Variants in SBK1 observed in about 807,000 individuals in gnomAD.
The protein encoded by SBK1 is SH3 domain binding kinase 1.
A neutral mutation model predicts 24.4 loss-of-function variants in SBK1; 11 were observed. The observed-to-expected ratio is 0.45, with a 90% CI of 0.28 to 0.75. The LOEUF is 0.75. SBK1 is among the 30% of genes least tolerant of loss of function. The pLI is 0.12. For synonymous variants in SBK1, 308 were observed against 284.4 expected (o/e 1.08, Z -0.83); for missense variants, 467 against 620.5 (o/e 0.75, Z 2.63).
Position 28,317,239 on chromosome 16 carries a change from AG to A in SBK1, c.-7-145del. On this transcript the variant is annotated intron_variant, in intron 1 of 3. Coordinates refer to ENST00000341901, the MANE Select transcript of SBK1 (RefSeq NM_001024401.3). This position sits in a 1 kb window ranked among gnomAD's most constrained non-coding sequence, Gnocchi z 4.2. ...GGCTTTGGGGAAGGCGACGCGACCA[AG>A]ATGCTTGTCGCCCCCTTGTGGTTAT... The A allele has an allele frequency of 1.6e-6, 1 of 640,554 alleles. No individual in the cohort carries two copies. The highest frequency in any genetic ancestry group is 2.7e-5 in the Admixed American group (1 of 36,476). The allele number at this position is 640,554 out of a possible 1,614,324, so 39.7% of individuals were successfully genotyped here. A position where few individuals can be genotyped will look rare whatever the true frequency, so the allele number is the denominator to read the frequency against.
At chr16:28,297,334 A>C (rs957686421) in intron 1 of SBK1, among the ~76,000 whole-genome samples, 7 of 152,200 alleles carry the variant, frequency 4.6e-5, no homozygotes, top group African/African-American at 7.2e-5. Flanking sequence ...CCGTCTCAAA[A>C]AAAAAGAAAC....
upstream of SBK1, among the ~76,000 whole-genome samples, chr16:28,287,803 A>G (rs765237945): frequency 4.6e-5 from 7 of 152,188 alleles, no homozygotes; most frequent in Non-Finnish European, 1.0e-4. Flanking sequence ...AGCTGAGACT[A>G]CAGGTGCGTG....
chr16:28,263,248 C>T lies in SBK1; in HGVS notation c.257+3746C>T, dbSNP rs555009467. Among the ~76,000 whole-genome samples the T allele has an allele frequency of 2.0e-5, 3 of 152,284 alleles. No individual in the cohort carries two copies. In the East Asian group the frequency reaches 5.8e-4, roughly 29 times the overall value. On this transcript the variant is annotated intron_variant, in intron 1 of 3. Transcript: ENST00000671413. ...GCACCAGAAACTGGACTGAAAATAC[C>T]ATCCCTGCTCTCATGGGGTTTATAT...
chr16:28,272,415 T>C (rs777951091), intron 1 of SBK1, among the ~76,000 whole-genome samples: 26 of 151,996 alleles, frequency 1.7e-4, no homozygotes, highest in Non-Finnish European at 2.9e-4. Context: ...TTATTGAATC[T>C]TTATGCCTAC....
Position 28,320,104 on chromosome 16 carries a change from G to T in SBK1, c.458G>T (p.Arg153Leu). 1 of 1,551,700 alleles carries T rather than the reference G, an allele frequency of 6.4e-7. No individual in the cohort carries two copies. ...QVGLPEDTVK[R>L]CVQQLGLALD... ...GGGCTCCCTGAGGACACGGTGAAGC[G>T]CTGTGTGCAGCAGCTGGGCCTGGCG... is the stretch of plus-strand genomic sequence containing the variant. Residue 153 changes from arginine to leucine, a missense_variant, in exon 4 of 4, where the codon CGC becomes CTC. Around this residue, in one of 4 missense-constraint regions of SBK1, gnomAD observed 92 missense variants for 193.8 expected, o/e 0.47. Coordinates refer to ENST00000341901, the MANE Select transcript of SBK1 (RefSeq NM_001024401.3). The surrounding 1 kb of genome is among the most constrained non-coding windows in gnomAD (Gnocchi z 8.5).
chr16:28,268,749 C>T (rs1396705550), intron 1 of SBK1, among the ~76,000 whole-genome samples: 2 of 151,522 alleles, frequency 1.3e-5, no homozygotes, highest in African/African-American at 2.4e-5. Flanking sequence ...GGTGACAGAG[C>T]GAGACTCTGT....
intron 1 of SBK1, among the ~76,000 whole-genome samples, chr16:28,275,913 C>T (rs145086236): frequency 1.4e-5 from 2 of 147,942 alleles, no homozygotes; most frequent in East Asian, 2.0e-4. Flanking sequence ...AAGGAAGGAA[C>T]GAAGGAAGGA....
At chr16:28,264,491 T>TCGAACC (rs2044416068) in intron 1 of SBK1, among the ~76,000 whole-genome samples, 1 of 151,974 alleles carries the variant, frequency 6.6e-6, no homozygotes. Flanking sequence ...GGAAAATAGC[T>TCGAACC]TGAACCCGGG....
Position 28,320,063 on chromosome 16 carries a change from CGGCCGCCCGCA to C in SBK1, c.430-10_430del. 6.8e-7 allele frequency: 1 copy of C among 1,471,106 alleles called. No individual in the cohort carries two copies. The highest frequency in any genetic ancestry group is 8.9e-7 in the Non-Finnish European group (1 of 1,117,894). 91.1% of individuals were successfully genotyped at this position (1,471,106 alleles called of 1,614,324 possible). On this transcript the variant is annotated splice_acceptor_variant and splice_polypyrimidine_tract_variant and intron_variant, in intron 3 of 3. Transcript: ENST00000341901. LOFTEE classifies it high-confidence loss of function. This position sits in a 1 kb window ranked among gnomAD's most constrained non-coding sequence, Gnocchi z 8.5. ...GAGCTGGAAACAGCGCGGCTTCCCC[CGGCCGCCCGCA>C]GGTGGGGCTCCCTGAGGACACGGTG...
At position 28,320,628 on chromosome 16, in the gene SBK1, C is replaced by T. The variant is rs974145306; in HGVS notation, c.982C>T (p.Arg328Cys). Residue 328 changes from arginine to cysteine, a missense_variant, in exon 4 of 4, where the codon CGC (arginine) becomes TGC (cysteine). Physicochemically the swap from Arg to Cys is radical, Grantham distance 180 (BLOSUM62 -3). Coordinates refer to ENST00000341901, the MANE Select transcript of SBK1 (RefSeq NM_001024401.3). This position sits in a 1 kb window ranked among gnomAD's most constrained non-coding sequence, Gnocchi z 8.5. The stretch of plus-strand genomic sequence containing the variant: ...CGAGCTGCGCCGCCGGCCCTCGCAC[C>T]GCGCGCGCAAGCCCCCCGGGGACCG... ...TSELRRRPSHRARKPPGDRPP... is the reference protein window; with the variant it reads ...TSELRRRPSHCARKPPGDRPP... 3 of 1,256,608 alleles carry T rather than the reference C, an allele frequency of 2.4e-6. No individual in the cohort carries two copies. Among genetic ancestry groups the T allele is most frequent in the Non-Finnish European group, 3.0e-6 (3 of 998,284 alleles). 77.8% of individuals were successfully genotyped at this position (1,256,608 alleles called of 1,614,324 possible).
At chr16:28,299,012 G>A (rs1390052785) in intron 1 of SBK1, among the ~76,000 whole-genome samples, 2 of 152,252 alleles carry the variant, frequency 1.3e-5, no homozygotes, top group African/African-American at 4.8e-5. Flanking sequence ...AGGCCTTGCA[G>A]AGAGGAGACT....
intron 1 of SBK1, among the ~76,000 whole-genome samples, chr16:28,293,713 C>T (rs2044618972): frequency 6.6e-6 from 1 of 151,474 alleles, no homozygotes; most frequent in Middle Eastern, 3.2e-3. Flanking sequence ...TTTGGGGGTG[C>T]CCACAGGTGA....
At chr16:28,298,281 G>A (rs142485303) in intron 1 of SBK1, among the ~76,000 whole-genome samples, 83 of 152,330 alleles carry the variant, frequency 5.4e-4, no homozygotes, top group Middle Eastern at 6.8e-3. Flanking sequence ...GGGAAACCAC[G>A]TAATGTCAGG....
rs2044818709 is a variant in SBK1 at position 28,319,004 on chromosome 16, T to C, written c.236T>C (p.Met79Thr). 6.2e-7 allele frequency: 1 copy of C among 1,613,944 alleles called. No homozygotes were observed. Among genetic ancestry groups the C allele is most frequent in the Admixed American group, 1.7e-5 (1 of 59,988 alleles). Residue 79 changes from methionine to threonine, a missense_variant, in exon 3 of 4, where the codon ATG becomes ACG. Met to Thr is a moderately conservative substitution (Grantham distance 81). This residue lies in a region of SBK1 where 123 missense variants were observed against 158.2 expected (regional missense o/e 0.78). Coordinates refer to ENST00000341901, the MANE Select transcript of SBK1 (RefSeq NM_001024401.3). The surrounding 1 kb of genome is among the most constrained non-coding windows in gnomAD (Gnocchi z 4.0). ...CTGTTGCTCCCATCAGGCACAAAAATGGCACTGAAGTTTGTGAACAAGAGC... is the reference window on the plus strand; with the variant it reads ...CTGTTGCTCCCATCAGGCACAAAAACGGCACTGAAGTTTGTGAACAAGAGC... Reference protein sequence around the residue: ...LVVYKGTGTKMALKFVNKSKT... With the variant: ...LVVYKGTGTKTALKFVNKSKT...
In SBK1 at chr16:28,292,899, C is replaced by A; in HGVS notation, c.-409C>A. The A allele has an allele frequency of 1.0e-6, 1 of 979,750 alleles. No homozygotes were observed. Among genetic ancestry groups the A allele is most frequent in the Non-Finnish European group, 1.2e-6 (1 of 824,840 alleles). 60.7% of individuals were successfully genotyped at this position (979,750 alleles called of 1,614,324 possible). ...GCCCCCTACGGCACCGCAAGGACTC[C>A]CCCTCCTCAGTCTGGGCCCCCGCCC... On this transcript the variant is annotated 5_prime_UTR_variant, in exon 1 of 4. Transcript: ENST00000341901.
intron 1 of SBK1, among the ~76,000 whole-genome samples, chr16:28,280,141 A>ATGTGTGTGTGTGTG (rs1407793111): frequency 1.7e-5 from 1 of 58,240 alleles, no homozygotes; most frequent in African/African-American, 4.6e-5. Context: ...ATATATATAT[A>ATGTGTGTGTGTGTG]TATATATATG....
chr16:28,304,211 G>A (rs949300357), intron 1 of SBK1, among the ~76,000 whole-genome samples: 5 of 152,178 alleles, frequency 3.3e-5, no homozygotes, highest in African/African-American at 1.2e-4. Flanking sequence ...ATCCATATAT[G>A]CCTTTCCAGC....
chr16:28,301,477 C>G (rs1414276122), intron 1 of SBK1, among the ~76,000 whole-genome samples: 1 of 152,194 alleles, frequency 6.6e-6, no homozygotes, highest in East Asian at 1.9e-4. Flanking sequence ...GAACCCCAGA[C>G]TGCCCCTGGT....
chr16:28,320,024 G>GGGCGGGCGCTGGAGAGCT lies in SBK1; in HGVS notation c.430-49_430-32dup. The GGGCGGGCGCTGGAGAGCT allele has an allele frequency of 7.0e-7, 1 of 1,419,212 alleles. No homozygotes were observed. Among genetic ancestry groups the GGGCGGGCGCTGGAGAGCT allele is most frequent in the African/African-American group, 1.5e-5 (1 of 67,454 alleles). 87.9% of individuals were successfully genotyped at this position (1,419,212 alleles called of 1,614,324 possible). A position where few individuals can be genotyped will look rare whatever the true frequency, so the allele number is the denominator to read the frequency against. On this transcript the variant is annotated intron_variant, in intron 3 of 3. Transcript: ENST00000341901. The surrounding 1 kb of genome is among the most constrained non-coding windows in gnomAD (Gnocchi z 8.5). ...GAGGGAGCTGGAGGGGAGGGCGGCGGGGCGGGCGCTGGAGAGCTGGAAACA... is the reference window on the plus strand; with the variant it reads ...GAGGGAGCTGGAGGGGAGGGCGGCGGGGCGGGCGCTGGAGAGCTGGCGGGCGCTGGAGAGCTGGAAACA...
Sources: gnomAD v4.1 joint callset for allele counts (sites outside exome capture counted in the v4.1 genomes callset) on GRCh38, gnomAD v4.1.1 for gene constraint, gnomAD v4.1.1 regional missense constraint, Gnocchi (gnomAD v3.1) non-coding constraint, MANE v1.5 for transcripts, NCBI Gene and HGNC (gene_info 2026-07-23, HGNC 2026-07-21) for gene names.